The following BTRC variants were observed in gnomAD, a reference collection of about 807,000 sequenced individuals.
BTRC encodes the protein F-box/WD repeat-containing protein 1A.
BTRC carries 42 observed loss-of-function variants against 85.5 expected under a neutral mutation model. The observed-to-expected ratio is 0.49, with a 90% CI of 0.38 to 0.64. The LOEUF (loss-of-function observed/expected upper bound fraction) is 0.64, where lower values mean the gene tolerates loss of function less well. BTRC is among the 30% of genes least tolerant of loss of function. BTRC has a pLI of 0.00. For synonymous variants in BTRC, 255 were observed against 263.3 expected (o/e 0.97, Z 0.30); for missense variants, 594 against 743.5 (o/e 0.80, Z 2.34).
intron 2 of BTRC, among the ~76,000 whole-genome samples, chr10:101,431,253 T>A (rs1162732968): frequency 2.6e-5 from 4 of 151,922 alleles, no homozygotes; most frequent in Non-Finnish European, 5.9e-5. Flanking sequence ...ATTTTTGTAT[T>A]TTTAGTAGAG....
At chr10:101,536,775 T>C (rs2134430219) in intron 12 of BTRC, 122 bp downstream of exon 12, 1 of 663,510 alleles carries the variant, frequency 1.5e-6, no homozygotes, top group Non-Finnish European at 2.5e-6. Flanking sequence ...ACAAAATATC[T>C]GATACCATAT....
chr10:101,554,611 T>G lies in BTRC; in HGVS notation c.*1488T>G, dbSNP rs2062702688. On this transcript the variant is annotated 3_prime_UTR_variant, in exon 15 of 15. Transcript: ENST00000370187. Reference sequence around the variant, plus strand: ...GTTTATTAATGGGGCAAAAACTGCCTTTTCTTCCTCCTCCTGACCTTATTT... The same window carrying G: ...GTTTATTAATGGGGCAAAAACTGCCGTTTCTTCCTCCTCCTGACCTTATTT... 6.6e-6 allele frequency: 1 copy of G among 152,600 alleles called. No individual in the cohort carries two copies. Among genetic ancestry groups the G allele is most frequent in the South Asian group, 2.1e-4 (1 of 4,830 alleles). The allele number at this position is 152,600 out of a possible 1,614,324, so 9.5% of individuals were successfully genotyped here. A position where few individuals can be genotyped will look rare whatever the true frequency, so the allele number is the denominator to read the frequency against.
chr10:101,538,258 T>C, intron 12 of BTRC, 35 bp from the exon 13 acceptor site: 1 of 1,566,854 alleles, frequency 6.4e-7, no homozygotes, highest in Non-Finnish European at 8.8e-7. Flanking sequence ...ACATTTGCTT[T>C]TAACTAACAT....
chr10:101,543,288 G>T (rs1324011369), intron 13 of BTRC, among the ~76,000 whole-genome samples: 1 of 152,112 alleles, frequency 6.6e-6, no homozygotes, highest in Admixed American at 6.5e-5. Context: ...GATGTTTATA[G>T]TATTCTTTGT....
rs78696755 is a variant in BTRC at position 101,530,496 on chromosome 10, G to GA, written c.744-728dup. 4.1e-3 allele frequency among the ~76,000 whole-genome samples: 543 copies of GA among 133,150 alleles called. 2 individuals are homozygous for GA. The highest frequency in any genetic ancestry group is 6.0e-3 in the African/African-American group (216 of 36,192). 87.4% of individuals were successfully genotyped at this position (133,150 alleles called of 152,430 possible). A position where few individuals can be genotyped will look rare whatever the true frequency, so the allele number is the denominator to read the frequency against. On this transcript the variant is annotated intron_variant, in intron 6 of 14. Transcript: ENST00000370187. ...TGGGGACCACTGACACAGTAAAAGG[G>GA]AAAAAAAAAAAAACCTATAGGGCAT...
intron 1 of BTRC, among the ~76,000 whole-genome samples, chr10:101,422,862 G>C (rs1944142415): frequency 6.6e-6 from 1 of 152,084 alleles, no homozygotes; most frequent in Non-Finnish European, 1.5e-5. Flanking sequence ...TGCCGTTTTG[G>C]TTACTGTTGC....
chr10:101,399,321 CTTTTTTTTTTTT>C (rs10610835), intron 1 of BTRC, among the ~76,000 whole-genome samples: 1 of 128,060 alleles, frequency 7.8e-6, no homozygotes, highest in Non-Finnish European at 1.6e-5. Flanking sequence ...CTAGAATCAC[CTTTTTTTTTTTT>C]TTTTTTTTTT....
At chr10:101,422,043 C>T (rs1944116174) in intron 1 of BTRC, among the ~76,000 whole-genome samples, 1 of 152,142 alleles carries the variant, frequency 6.6e-6, no homozygotes, top group African/African-American at 2.4e-5. Context: ...TGAGGAATTG[C>T]CACACTGTCT....
chr10:101,549,262 C>A (rs2062607837), intron 13 of BTRC, among the ~76,000 whole-genome samples: 1 of 140,360 alleles, frequency 7.1e-6, no homozygotes, highest in Non-Finnish European at 1.5e-5. Context: ...AAGACCTAAT[C>A]TCTACAAAAA....
intron 1 of BTRC, among the ~76,000 whole-genome samples, chr10:101,410,115 G>T (rs4919542): frequency 0.97 from 147,605 of 152,270 alleles, 71,710 homozygotes; most frequent in East Asian, 1. Flanking sequence ...TAATTGTAAC[G>T]TCAAAAGCTT....
intron 2 of BTRC, among the ~76,000 whole-genome samples, chr10:101,453,008 GT>G (rs529608328): frequency 5.3e-5 from 8 of 150,524 alleles, no homozygotes; most frequent in African/African-American, 7.3e-5. Flanking sequence ...CACACACAGT[GT>G]TTTTTTTTAA....
At chr10:101,393,726 AAG>A (rs940473222) in intron 1 of BTRC, among the ~76,000 whole-genome samples, 1 of 151,052 alleles carries the variant, frequency 6.6e-6, no homozygotes, top group African/African-American at 2.4e-5. Context: ...CGAGGTTGGA[AAG>A]AGTCTTTCCC....
intron 1 of BTRC, among the ~76,000 whole-genome samples, chr10:101,399,817 A>G (rs1367291642): frequency 6.6e-6 from 1 of 152,176 alleles, no homozygotes; most frequent in Non-Finnish European, 1.5e-5. Flanking sequence ...AAGATCAGGT[A>G]CTTTATTTTC....
At chr10:101,354,803 G>A (rs1160551652) in intron 1 of BTRC, among the ~76,000 whole-genome samples, 2 of 152,136 alleles carry the variant, frequency 1.3e-5, no homozygotes, top group East Asian at 3.9e-4. Flanking sequence ...TTTGCCTTGA[G>A]GGTGGAATCC....
intron 13 of BTRC, among the ~76,000 whole-genome samples, chr10:101,548,113 GT>G (rs1391314964): frequency 6.6e-6 from 1 of 152,208 alleles, no homozygotes; most frequent in Non-Finnish European, 1.5e-5. Flanking sequence ...AAGATGTGGA[GT>G]AACAAACTCT....
chr10:101,475,953 A>ATATATTTT (rs1265691229), intron 3 of BTRC, among the ~76,000 whole-genome samples: 1 of 133,806 alleles, frequency 7.5e-6, no homozygotes, highest in Non-Finnish European at 1.6e-5. Flanking sequence ...ATATATATAT[A>ATATATTTT]TTCAGTAATT....
At chr10:101,456,717 A>G (rs1289378082) in intron 2 of BTRC, among the ~76,000 whole-genome samples, 16 of 152,174 alleles carry the variant, frequency 1.1e-4, no homozygotes, top group Admixed American at 9.8e-4. Flanking sequence ...CTGTATCTGC[A>G]GGTGTTACAG....
intron 3 of BTRC, among the ~76,000 whole-genome samples, chr10:101,475,424 C>T (rs918136581): frequency 3.9e-5 from 6 of 152,122 alleles, no homozygotes; most frequent in African/African-American, 1.4e-4. Flanking sequence ...TCTGTAATCC[C>T]AGCTACTTGG....
chr10:101,479,747 G>A (rs553762096), intron 4 of BTRC, among the ~76,000 whole-genome samples: 2 of 152,274 alleles, frequency 1.3e-5, no homozygotes, highest in South Asian at 2.1e-4. Flanking sequence ...ATAAGATAAT[G>A]TACAATTGTT....
Sources: gnomAD v4.1 joint callset for allele counts (sites outside exome capture counted in the v4.1 genomes callset) on GRCh38, gnomAD v4.1.1 for gene constraint, MANE v1.5 for transcripts, NCBI Gene and HGNC (gene_info 2026-07-23, HGNC 2026-07-21) for gene names.